CSN3: variants seen among roughly 807,000 people sequenced by gnomAD.
The protein encoded by CSN3 is kappa-casein.
A neutral mutation model predicts 9.9 loss-of-function variants in CSN3; 7 were observed. The ratio of observed to expected loss-of-function variants is 0.71; its 90% CI spans 0.40 to 1.33. The LOEUF is 1.33. Ranked by LOEUF, CSN3 falls within the 40% of genes most tolerant of loss-of-function variation. The probability of loss-of-function intolerance (pLI) is 0.01; values close to 1 mark genes in which losing one functional copy is unlikely to be tolerated. For synonymous variants in CSN3, 88 were observed against 82.3 expected (o/e 1.07, Z -0.37); for missense variants, 253 against 227.9 (o/e 1.11, Z -0.71).
At chr4:70,239,255 C>A (rs1730227430), upstream of CSN3, among the ~76,000 whole-genome samples, 1 of 151,656 alleles carries the variant, frequency 6.6e-6, no homozygotes, top group Admixed American at 6.6e-5. Context: ...AAAAGTTTTA[C>A]CAGCCAGAAA....
chr4:70,242,824 A>G (rs550852432), intron 1 of CSN3, among the ~76,000 whole-genome samples, 159 bp downstream of exon 1: 4 of 152,194 alleles, frequency 2.6e-5, no homozygotes, highest in African/African-American at 9.6e-5. Context: ...ACCTAAACCT[A>G]AGTTCTGGAT....
chr4:70,249,521 AT>A (rs1383874400), intron 4 of CSN3, 28 bp downstream of exon 4: 51 of 1,280,310 alleles, frequency 4.0e-5, no homozygotes, highest in Non-Finnish European at 5.6e-5. Context: ...AAAATGAGTA[AT>A]TCCGACAAGA....
chr4:70,249,118 G>A, exon 4 of CSN3: 1 of 1,613,990 alleles, frequency 6.2e-7, no homozygotes, highest in Non-Finnish European at 8.5e-7. Context: ...ACCAGCTATA[G>A]CAATTAATAA....
At chr4:70,249,589 A>T in intron 4 of CSN3, 96 bp downstream of exon 4, 1 of 774,126 alleles carries the variant, frequency 1.3e-6, no homozygotes, top group Non-Finnish European at 2.0e-6. Context: ...AGATAAACTA[A>T]GTGTGTTACA....
upstream of CSN3, among the ~76,000 whole-genome samples, chr4:70,242,029 T>C (rs1193322655): frequency 6.6e-6 from 1 of 152,028 alleles, no homozygotes; most frequent in Non-Finnish European, 1.5e-5. Context: ...CAATGCCAGA[T>C]GTAGTATCAC....
intron 1 of CSN3, among the ~76,000 whole-genome samples, chr4:70,244,184 T>C (rs1233660267): frequency 6.6e-6 from 1 of 152,114 alleles, no homozygotes; most frequent in Non-Finnish European, 1.5e-5. Context: ...CTGTTGTTTA[T>C]AAAGCCATGC....
intron 3 of CSN3, among the ~76,000 whole-genome samples, chr4:70,248,385 T>C (rs973390315): frequency 3.3e-5 from 5 of 152,168 alleles, no homozygotes; most frequent in African/African-American, 7.2e-5. Flanking sequence ...CAGAGGCACA[T>C]AGATATAGAC....
chr4:70,247,510 T>C (rs3822165), intron 2 of CSN3, among the ~76,000 whole-genome samples: 16,782 of 152,102 alleles, frequency 0.11, 997 homozygotes, highest in Non-Finnish European at 0.14. Context: ...ATTATTCATA[T>C]TTTTCATTTA....
At chr4:70,238,842 T>G (rs374744380), upstream of CSN3, among the ~76,000 whole-genome samples, 71 of 151,926 alleles carry the variant, frequency 4.7e-4, 2 homozygotes, top group South Asian at 0.013. Context: ...CCTGAGCCAC[T>G]AGTAGTATCA....
intron 4 of CSN3, among the ~76,000 whole-genome samples, chr4:70,250,822 A>T (rs1730468887): frequency 6.6e-6 from 1 of 152,176 alleles, no homozygotes; most frequent in Non-Finnish European, 1.5e-5. Flanking sequence ...TAACTTGCTG[A>T]AAAACAGGGA....
At chr4:70,251,027 A>G (rs192181144) in intron 4 of CSN3, among the ~76,000 whole-genome samples, 7 of 152,176 alleles carry the variant, frequency 4.6e-5, no homozygotes, top group African/African-American at 1.7e-4. Flanking sequence ...TACATATTTT[A>G]CTGATGCAAA....
rs1348977384 is a variant in CSN3 at position 70,249,265 on chromosome 4, G to A, written c.355G>A (p.Ala119Thr). ...CCCAAACCTGCATCCATCATTTATT[G>A]CCATCCCCCCAAAGAAAATTCAGGA... The change falls in exon 4 of 5, where the codon GCC becomes ACC. Residue 119 changes from alanine (A) to threonine (T), a missense_variant. By Grantham distance (58) the Ala-to-Thr change is moderately conservative (BLOSUM62 0). Coordinates refer to ENST00000304954, the Ensembl canonical transcript of CSN3. 16 of 1,613,954 alleles carry A rather than the reference G, an allele frequency of 9.9e-6. No homozygotes were observed. The highest frequency in any genetic ancestry group is 1.4e-5 in the Non-Finnish European group (16 of 1,179,996).
chr4:70,244,960 T>C, intron 2 of CSN3, 87 bp downstream of exon 2: 6 of 657,512 alleles, frequency 9.1e-6, no homozygotes, highest in Non-Finnish European at 1.2e-5. Context: ...TAAATACAAT[T>C]ATGCTTCATA....
intron 2 of CSN3, among the ~76,000 whole-genome samples, chr4:70,245,322 G>A (rs1578253503): frequency 6.6e-6 from 1 of 151,998 alleles, no homozygotes. Context: ...GTCAACTTTG[G>A]TTAAGCTTTT....
chr4:70,247,398 TA>T (rs1366602801), intron 2 of CSN3, among the ~76,000 whole-genome samples: 1 of 152,182 alleles, frequency 6.6e-6, no homozygotes, highest in African/African-American at 2.4e-5. Flanking sequence ...AAGTAAACCT[TA>T]TGAATCATCT....
exon 5 of CSN3, chr4:70,251,367 A>C (rs1057204533): frequency 6.6e-6 from 1 of 152,102 alleles, no homozygotes; most frequent in Non-Finnish European, 1.5e-5. Flanking sequence ...CTCTCCTTAC[A>C]TTTTACATTC....
intron 2 of CSN3, 152 bp downstream of exon 2, chr4:70,245,025 A>T (rs1183739071): frequency 2.6e-5 from 10 of 383,142 alleles, no homozygotes; most frequent in Middle Eastern, 6.7e-4. Context: ...TTTAATATTT[A>T]TTTCTATTAT....
intron 1 of CSN3, among the ~76,000 whole-genome samples, chr4:70,244,557 C>T (rs77225451): frequency 0.11 from 17,257 of 152,042 alleles, 1,295 homozygotes; most frequent in East Asian, 0.27. Flanking sequence ...ATCATATTTA[C>T]ATTGATAATC....
chr4:70,247,851 G>A lies in CSN3; in HGVS notation c.87+1G>A, dbSNP rs756999457. On this transcript the variant is annotated splice_donor_variant, in intron 3 of 4. Transcript: ENST00000304954. LOFTEE classifies it high-confidence loss of function. Reference sequence around the variant, plus strand: ...GGTTCAAAACCAGAAACAACCAGCAGTAAGTCTATTTTAATTACTTCTGTT... The same window carrying A: ...GGTTCAAAACCAGAAACAACCAGCAATAAGTCTATTTTAATTACTTCTGTT... 1.3e-6 allele frequency: 2 copies of A among 1,596,456 alleles called. No homozygotes were observed. Among genetic ancestry groups the A allele is most frequent in the African/African-American group, 1.4e-5 (1 of 73,758 alleles).
Sources: gnomAD v4.1 joint callset for allele counts (sites outside exome capture counted in the v4.1 genomes callset) on GRCh38, gnomAD v4.1.1 for gene constraint, MANE v1.5 for transcripts, NCBI Gene and HGNC (gene_info 2026-07-23, HGNC 2026-07-21) for gene names.